The following AP1S3 variants were observed in gnomAD, a reference collection of about 807,000 sequenced individuals.
AP1S3 encodes AP-1 complex subunit sigma-3.
Under a neutral mutation model 20.9 loss-of-function variants are expected in AP1S3, and 10 were observed. That is an observed-to-expected ratio of 0.48 (90% confidence interval 0.29 to 0.81). AP1S3 has a LOEUF of 0.81. Among genes scored for constraint, AP1S3 ranks in the 30% least tolerant of loss-of-function variants. The probability of loss-of-function intolerance (pLI) is 0.08; values close to 1 mark genes in which losing one functional copy is unlikely to be tolerated. For missense variants in AP1S3, 154 were observed against 183.8 expected, an observed-to-expected ratio of 0.84 and a Z score of 0.94; for synonymous variants, 41 against 61.5, an observed-to-expected ratio of 0.67 and a Z score of 1.56.
At chr2:223,774,151 G>C (rs923233381) in intron 3 of AP1S3, among the ~76,000 whole-genome samples, 5 of 152,186 alleles carry the variant, frequency 3.3e-5, no homozygotes, top group Admixed American at 6.5e-5. Context: ...GATCGCCCGA[G>C]GTCAGGAGTT....
At chr2:223,763,204 T>TC (rs1346781997) in intron 4 of AP1S3, among the ~76,000 whole-genome samples, 2 of 152,086 alleles carry the variant, frequency 1.3e-5, no homozygotes, top group Non-Finnish European at 2.9e-5. Flanking sequence ...AAATGCAAGG[T>TC]CCCCTGAGAC....
chr2:223,766,307 C>T (rs956655150), intron 3 of AP1S3, among the ~76,000 whole-genome samples: 14 of 152,112 alleles, frequency 9.2e-5, no homozygotes, highest in Middle Eastern at 3.4e-3. Flanking sequence ...TGTTTAAGTT[C>T]TTTGTAGATT....
chr2:223,780,189 C>T (rs182390208), intron 1 of AP1S3, among the ~76,000 whole-genome samples: 5 of 149,558 alleles, frequency 3.3e-5, no homozygotes, highest in South Asian at 2.1e-4. Flanking sequence ...TGGCTCACTG[C>T]GGCTTCAACC....
At chr2:223,779,273 G>C (rs1690865505) in intron 1 of AP1S3, among the ~76,000 whole-genome samples, 1 of 152,144 alleles carries the variant, frequency 6.6e-6, no homozygotes, top group Non-Finnish European at 1.5e-5. Flanking sequence ...ACAGTATTTG[G>C]TGGCTCACAC....
Position 223,761,154 on chromosome 2 carries a change from T to C in AP1S3, c.430-2404A>G, listed in dbSNP as rs79011774. Among the ~76,000 whole-genome samples, 939 of 152,344 alleles carry C rather than the reference T, an allele frequency of 6.2e-3. 9 individuals are homozygous for C. Among genetic ancestry groups the C allele is most frequent in the African/African-American group, 0.022 (897 of 41,586 alleles). The stretch of plus-strand genomic sequence containing the variant: ...ACTTTAAAGGTTTGGGGCAGACTTT[T>C]AGAGCTGGCAGAACCTTAGTTGCTC... On this transcript the variant is annotated intron_variant, in intron 4 of 4. Transcript: ENST00000396654.
intron 1 of AP1S3, among the ~76,000 whole-genome samples, chr2:223,800,259 A>G (rs1691436212): frequency 6.6e-6 from 1 of 151,752 alleles, no homozygotes; most frequent in Non-Finnish European, 1.5e-5. Context: ...TAGTCCAAGT[A>G]TGATGGCTCA....
At chr2:223,835,825 C>A (rs2106047260) in intron 1 of AP1S3, among the ~76,000 whole-genome samples, 1 of 152,248 alleles carries the variant, frequency 6.6e-6, no homozygotes, top group East Asian at 1.9e-4. Flanking sequence ...TAGACCAAAC[C>A]TTGGCCCATT....
At chr2:223,769,880 G>A (rs1559276657) in intron 3 of AP1S3, among the ~76,000 whole-genome samples, 1 of 151,712 alleles carries the variant, frequency 6.6e-6, no homozygotes, top group Non-Finnish European at 1.5e-5. Context: ...GAGTAGCTGG[G>A]ACTACAGGCG....
intron 4 of AP1S3, 111 bp downstream of exon 4, chr2:223,765,102 T>C: frequency 7.0e-7 from 1 of 1,434,044 alleles, no homozygotes; most frequent in Non-Finnish European, 9.3e-7. Flanking sequence ...GTTTAGAAAC[T>C]GTACCCAGCA....
intron 1 of AP1S3, among the ~76,000 whole-genome samples, chr2:223,816,746 T>G (rs1246992299): frequency 6.6e-6 from 1 of 152,204 alleles, no homozygotes; most frequent in African/African-American, 2.4e-5. Context: ...TTTGACTCTA[T>G]GTTAAATAGA....
At chr2:223,763,050 A>G (rs1234770141) in intron 4 of AP1S3, among the ~76,000 whole-genome samples, 1 of 152,230 alleles carries the variant, frequency 6.6e-6, no homozygotes, top group Non-Finnish European at 1.5e-5. Flanking sequence ...CAAGCTCCCC[A>G]GAATATTTAC....
At chr2:223,801,696 G>A (rs1460358009) in intron 1 of AP1S3, among the ~76,000 whole-genome samples, 5 of 152,024 alleles carry the variant, frequency 3.3e-5, no homozygotes, top group East Asian at 1.9e-4. Flanking sequence ...TGCCCGCCTC[G>A]GCCTCCCAAA....
In AP1S3 at chr2:223,755,418, A is replaced by G. The variant is rs1200329796; in HGVS notation, c.*3297T>C. Among the ~76,000 whole-genome samples the G allele has an allele frequency of 6.6e-6, 1 of 152,152 alleles. No individual in the cohort carries two copies. Among genetic ancestry groups the G allele is most frequent in the Non-Finnish European group, 1.5e-5 (1 of 68,030 alleles). On this transcript the variant is annotated 3_prime_UTR_variant, in exon 5 of 5. Transcript: ENST00000396654. ...TTCTCTTGGTAGTTTTATAGTAATT[A>G]TATAATATAAAGAAAACACAATGAC...
chr2:223,786,565 G>A (rs960406797), intron 1 of AP1S3, among the ~76,000 whole-genome samples: 1 of 151,682 alleles, frequency 6.6e-6, no homozygotes, highest in Non-Finnish European at 1.5e-5. Context: ...ACTAGCCTGG[G>A]CAACATAGTG....
At position 223,756,106 on chromosome 2, in the gene AP1S3, A is replaced by C. The variant is rs1411124311; in HGVS notation, c.*2609T>G. The stretch of plus-strand genomic sequence containing the variant: ...GTAATTCCAGCACTTTGGAAGGCCA[A>C]GGCGGGCGGATCACCTGAGGTCGGC... On this transcript the variant is annotated 3_prime_UTR_variant, in exon 5 of 5. Coordinates refer to ENST00000396654, the MANE Select transcript of AP1S3 (RefSeq NM_001039569.2). The C allele has an allele frequency of 4.3e-6, 4 of 938,768 alleles. No homozygotes were observed. The highest frequency in any genetic ancestry group is 5.1e-6 in the Non-Finnish European group (4 of 787,646). The allele number at this position is 938,768 out of a possible 1,614,324, so 58.2% of individuals were successfully genotyped here.
chr2:223,834,647 C>T (rs760720406), intron 1 of AP1S3, among the ~76,000 whole-genome samples: 8 of 109,878 alleles, frequency 7.3e-5, no homozygotes, highest in Non-Finnish European at 1.3e-4. Context: ...GTCCCAGCTA[C>T]TCAAGAAGCT....
At chr2:223,831,169 C>CACCAAGGCTGGAGTGCAGTGGCACA (rs1226530377) in intron 1 of AP1S3, among the ~76,000 whole-genome samples, 2 of 152,076 alleles carry the variant, frequency 1.3e-5, no homozygotes, top group Non-Finnish European at 2.9e-5. Flanking sequence ...CTCACTCTGT[C>CACCAAGGCTGGAGTGCAGTGGCACA]ACCAAGGCTG....
At chr2:223,832,131 CTCTCTGTGTGTGTGTGTG>C (rs1462853192) in intron 1 of AP1S3, among the ~76,000 whole-genome samples, 3,284 of 114,720 alleles carry the variant, frequency 0.029, 146 homozygotes, top group African/African-American at 0.11. Context: ...AAGGAGTTTT[CTCTCTGTGTGTGTGTGTG>C]TGTGTGTGTG....
chr2:223,830,571 C>T (rs991267385), intron 1 of AP1S3, among the ~76,000 whole-genome samples: 5 of 151,892 alleles, frequency 3.3e-5, no homozygotes, highest in South Asian at 2.1e-4. Flanking sequence ...AGGATGAGTA[C>T]GCAGAAGGTA....
Sources: gnomAD v4.1 joint callset for allele counts (sites outside exome capture counted in the v4.1 genomes callset) on GRCh38, gnomAD v4.1.1 for gene constraint, MANE v1.5 for transcripts, NCBI Gene and HGNC (gene_info 2026-07-23, HGNC 2026-07-21) for gene names.